FNBP1: variants seen among roughly 807,000 people sequenced by gnomAD.
FNBP1 encodes the protein formin-binding protein 1.
A neutral mutation model predicts 90.6 loss-of-function variants in FNBP1; 26 were observed. The observed-to-expected ratio is 0.29, with a 90% CI of 0.21 to 0.40. The LOEUF is 0.40. FNBP1 is among the 10% of genes least tolerant of loss of function. FNBP1 has a pLI of 1.00. For missense variants in FNBP1, 635 were observed against 768.0 expected (o/e 0.83, Z 2.05); for synonymous variants, 260 against 265.2 (o/e 0.98, Z 0.19).
intron 1 of FNBP1, among the ~76,000 whole-genome samples, chr9:130,029,082 T>C (rs1032753832): frequency 6.6e-6 from 1 of 152,208 alleles, no homozygotes; most frequent in Non-Finnish European, 1.5e-5. Context: ...TTTTTTACTA[T>C]TTGGTTAACT....
At chr9:129,896,825 T>C (rs13292669) in intron 15 of FNBP1, among the ~76,000 whole-genome samples, 22,556 of 151,742 alleles carry the variant, frequency 0.15, 2,050 homozygotes, top group Non-Finnish European at 0.21. Context: ...GAGACGAGGT[T>C]TCACCATGTT....
Position 129,931,555 on chromosome 9 carries a change from G to A in FNBP1, c.514-1860C>T, listed in dbSNP as rs112217132. On this transcript the variant is annotated intron_variant, in intron 6 of 16. Coordinates refer to ENST00000446176, the MANE Select transcript of FNBP1 (RefSeq NM_015033.3). ...CGGGAGGCGGAGCTTGCAATGAGCC[G>A]AGATCGCGCCACTATACTCCAGCCT... 8.5e-3 allele frequency among the ~76,000 whole-genome samples: 1,295 copies of A among 152,020 alleles called. 16 individuals carry two copies. The highest frequency in any genetic ancestry group is 0.03 in the African/African-American group (1,235 of 41,476).
intron 2 of FNBP1, among the ~76,000 whole-genome samples, chr9:129,984,021 C>G (rs1031507043): frequency 1.1e-4 from 16 of 152,012 alleles, no homozygotes; most frequent in African/African-American, 3.6e-4. Flanking sequence ...GGATTTAGAC[C>G]TGGCTGATTT....
At chr9:129,939,426 T>G (rs2043999743) in intron 6 of FNBP1, among the ~76,000 whole-genome samples, 1 of 152,134 alleles carries the variant, frequency 6.6e-6, no homozygotes, top group Non-Finnish European at 1.5e-5. Context: ...TATCACATGT[T>G]ATTCAGTAAT....
chr9:129,920,874 A>G lies in FNBP1; in HGVS notation c.1170+2970T>C, dbSNP rs550943567. Reference sequence around the variant, plus strand: ...GCAGAGATGGGTTAACTGACAGTTCATATGAAACTTTCAGTCTAGCAAAAA... The same window carrying G: ...GCAGAGATGGGTTAACTGACAGTTCGTATGAAACTTTCAGTCTAGCAAAAA... On this transcript the variant is annotated intron_variant, in intron 10 of 16. Transcript: ENST00000446176. Among the ~76,000 whole-genome samples, 240 of 152,342 alleles carry G rather than the reference A, an allele frequency of 1.6e-3. 1 individual carries two copies. Among genetic ancestry groups the G allele is most frequent in the Non-Finnish European group, 2.8e-3 (193 of 68,022 alleles).
chr9:129,930,235 A>AT (rs796748727), intron 6 of FNBP1, among the ~76,000 whole-genome samples: 48 of 151,260 alleles, frequency 3.2e-4, no homozygotes, highest in Admixed American at 9.2e-4. Flanking sequence ...TAATTTTTGT[A>AT]TTTTTTTTGT....
At chr9:129,969,528 G>C (rs562056385) in intron 4 of FNBP1, among the ~76,000 whole-genome samples, 1 of 152,248 alleles carries the variant, frequency 6.6e-6, no homozygotes, top group South Asian at 2.1e-4. Context: ...AACTTTGTTA[G>C]AACAATGCAC....
In FNBP1 at chr9:129,978,628, C is replaced by T; in HGVS notation, c.198-16G>A. 3 of 1,609,174 alleles carry T rather than the reference C, an allele frequency of 1.9e-6. No individual in the cohort carries two copies. The highest frequency in any genetic ancestry group is 2.5e-6 in the Non-Finnish European group (3 of 1,177,006). On this transcript the variant is annotated splice_polypyrimidine_tract_variant and intron_variant, in intron 3 of 16. Transcript: ENST00000446176. ...TGACGTATACCTATGGAACAGAACA[C>T]ACGCCACTCTGTTTCACACAAGGCC...
rs1322193913 is a variant in FNBP1, at chr9:130,011,269, A to ATATAT, written c.25-16312_25-16311insATATA. Among the ~76,000 whole-genome samples, 272 of 34,808 alleles carry ATATAT rather than the reference A, an allele frequency of 7.8e-3. 2 individuals are homozygous for ATATAT. Among genetic ancestry groups the ATATAT allele is most frequent in the Middle Eastern group, 0.042 (2 of 48 alleles). 22.8% of individuals were successfully genotyped at this position (34,808 alleles called of 152,430 possible). Reference sequence around the variant, plus strand: ...ATATATATATATATATATATATATAAAATATATATAACATTATTACTTATA... The same window carrying ATATAT: ...ATATATATATATATATATATATATAATATATAATATATATAACATTATTACTTATA... On this transcript the variant is annotated intron_variant, in intron 1 of 16. Coordinates refer to ENST00000446176, the MANE Select transcript of FNBP1 (RefSeq NM_015033.3).
At chr9:129,947,951 G>A in intron 6 of FNBP1, among the ~76,000 whole-genome samples, 1 of 148,820 alleles carries the variant, frequency 6.7e-6, no homozygotes. Flanking sequence ...ATAAGTCCAT[G>A]AAGTCATAAT....
intron 6 of FNBP1, among the ~76,000 whole-genome samples, chr9:129,941,573 A>T (rs892551429): frequency 6.6e-6 from 1 of 151,946 alleles, no homozygotes; most frequent in Non-Finnish European, 1.5e-5. Flanking sequence ...TCAAGCAATG[A>T]TCCTGCCTCA....
chr9:129,927,062 A>C, intron 8 of FNBP1, 133 bp downstream of exon 8: 1 of 798,250 alleles, frequency 1.3e-6, no homozygotes, highest in Non-Finnish European at 2.0e-6. Flanking sequence ...TAAATCCAAG[A>C]CACAGAGCAT....
At chr9:129,965,712 A>G (rs10819582) in intron 4 of FNBP1, among the ~76,000 whole-genome samples, 10 of 143,482 alleles carry the variant, frequency 7.0e-5, no homozygotes, top group African/African-American at 1.8e-4. Context: ...GCGCGCGCAC[A>G]CACACACACA....
intron 1 of FNBP1, among the ~76,000 whole-genome samples, chr9:130,038,358 CAAA>C (rs532239781): frequency 3.9e-5 from 3 of 76,070 alleles, no homozygotes; most frequent in Non-Finnish European, 4.7e-5. Flanking sequence ...GACTCCGTCT[CAAA>C]AAAAAAAAAA....
intron 4 of FNBP1, among the ~76,000 whole-genome samples, chr9:129,976,927 AG>A (rs925368771): frequency 2.0e-5 from 3 of 151,996 alleles, no homozygotes; most frequent in Non-Finnish European, 4.4e-5. Flanking sequence ...GCACTTTGGG[AG>A]GCCAAGGCGG....
rs1311889594 is a variant in FNBP1 at position 129,895,847 on chromosome 9, T to C, written c.1837A>G (p.Asn613Asp). 2 of 1,605,740 alleles carry C rather than the reference T, an allele frequency of 1.2e-6. No homozygotes were observed. The highest frequency in any genetic ancestry group is 2.7e-5 in the African/African-American group (2 of 74,410). Reference protein sequence around the residue: ...TSYVEVCLDKNAKDS With the variant: ...TSYVEVCLDKDAKDS ...ATATAAGTCTTAGCACCTTTGGCAT[T>C]TTTGTCCAAACAGACTTCGACATAT... The change falls in exon 16 of 17, where the codon AAT (asparagine) becomes GAT (aspartate). Residue 613 changes from asparagine to aspartate, a missense_variant. Coordinates refer to ENST00000446176, the MANE Select transcript of FNBP1 (RefSeq NM_015033.3).
At chr9:130,025,695 G>A (rs1463911146) in intron 1 of FNBP1, among the ~76,000 whole-genome samples, 2 of 152,212 alleles carry the variant, frequency 1.3e-5, no homozygotes, top group Non-Finnish European at 2.9e-5. Context: ...AGGCCTAGGC[G>A]GGTGGATCAC....
At chr9:129,920,881 ACTT>A (rs2040985213) in intron 10 of FNBP1, among the ~76,000 whole-genome samples, 1 of 152,198 alleles carries the variant, frequency 6.6e-6, no homozygotes, top group African/African-American at 2.4e-5. Context: ...TTCATATGAA[ACTT>A]TCAGTCTAGC....
intron 16 of FNBP1, among the ~76,000 whole-genome samples, chr9:129,894,927 GCA>G (rs200827942): frequency 6.6e-6 from 1 of 152,116 alleles, no homozygotes; most frequent in East Asian, 1.9e-4. Context: ...GCGTGGTGGT[GCA>G]CACCTGTAAT....
Sources: allele counts gnomAD v4.1 joint callset (sites outside exome capture counted in the v4.1 genomes callset), GRCh38; gene constraint gnomAD v4.1.1; transcripts MANE v1.5; gene names NCBI Gene and HGNC (gene_info 2026-07-23, HGNC 2026-07-21).